Variants in GRIN2A observed in about 807,000 individuals in gnomAD.
GRIN2A encodes the protein glutamate receptor ionotropic, NMDA 2A.
Under a neutral mutation model 113.4 loss-of-function variants are expected in GRIN2A, and 22 were observed. The observed-to-expected ratio is 0.19, with a 90% confidence interval of 0.14 to 0.28. The LOEUF (loss-of-function observed/expected upper bound fraction) is 0.28. Ranked by LOEUF, GRIN2A falls within the 10% of genes least tolerant of loss-of-function variation. The pLI is 1.00. For missense variants in GRIN2A, 1,502 were observed against 1,887.0 expected, an observed-to-expected ratio of 0.80 and a Z score of 3.78; for synonymous variants, 827 against 738.4, an observed-to-expected ratio of 1.12 and a Z score of -1.94.
chr16:10,159,137 C>G (rs1009310128), intron 2 of GRIN2A, among the ~76,000 whole-genome samples: 9 of 152,148 alleles, frequency 5.9e-5, no homozygotes, highest in Admixed American at 3.3e-4. Flanking sequence ...TTCCTCCTCT[C>G]TACAATGAGG....
chr16:9,805,602 C>T (rs2041950420), intron 10 of GRIN2A: 1 of 152,144 alleles, frequency 6.6e-6, no homozygotes, highest in African/African-American at 2.4e-5. Context: ...TGAGTGAAGC[C>T]CGGTCATGGG....
At chr16:10,044,378 T>C (rs747138017) in intron 2 of GRIN2A, among the ~76,000 whole-genome samples, 2 of 151,846 alleles carry the variant, frequency 1.3e-5, no homozygotes, top group Non-Finnish European at 1.5e-5. Context: ...TTTAAAATCA[T>C]GTGTACATGG....
chr16:10,083,703 G>A (rs186643007), intron 2 of GRIN2A, among the ~76,000 whole-genome samples: 3 of 152,194 alleles, frequency 2.0e-5, no homozygotes, highest in South Asian at 4.2e-4. Context: ...GCTTTATAAA[G>A]TCACCTTCTC....
intron 4 of GRIN2A, among the ~76,000 whole-genome samples, chr16:9,859,923 T>C (rs1347066064): frequency 6.6e-6 from 1 of 152,048 alleles, no homozygotes; most frequent in Non-Finnish European, 1.5e-5. Context: ...ATGCCTTCAG[T>C]GCTTTCCACT....
intron 9 of GRIN2A, 58 bp downstream of exon 9, chr16:9,829,365 T>C: frequency 9.2e-7 from 1 of 1,092,856 alleles, no homozygotes; most frequent in Non-Finnish European, 1.4e-6. Context: ...CTCTTCCTCC[T>C]GAAAGGAGAG....
In GRIN2A at chr16:9,960,842, T is replaced by A. The variant is rs568957890; in HGVS notation, c.415-22291A>T. ...GTTTTGCCAATGTCGTCCAGGCTAGTCTCAAACTCCTGGACTAAAGTGATC... is the reference window on the plus strand; with the variant it reads ...GTTTTGCCAATGTCGTCCAGGCTAGACTCAAACTCCTGGACTAAAGTGATC... On this transcript the variant is annotated intron_variant, in intron 2 of 12. Coordinates refer to ENST00000330684, the MANE Select transcript of GRIN2A (RefSeq NM_001134407.3). Among the ~76,000 whole-genome samples, 29 of 152,302 alleles carry A rather than the reference T, an allele frequency of 1.9e-4. No individual in the cohort carries two copies. In the Middle Eastern group the frequency reaches 0.01, roughly 54 times the overall value.
At chr16:10,165,382 T>C (rs551528910) in intron 2 of GRIN2A, among the ~76,000 whole-genome samples, 1 of 151,456 alleles carries the variant, frequency 6.6e-6, no homozygotes, top group African/African-American at 2.4e-5. Flanking sequence ...GTAAAGGTGA[T>C]TTTTATTTTC....
At chr16:9,879,270 G>A (rs1291981093) in intron 4 of GRIN2A, among the ~76,000 whole-genome samples, 6 of 152,052 alleles carry the variant, frequency 3.9e-5, no homozygotes, top group Non-Finnish European at 7.3e-5. Flanking sequence ...TATGGATTTG[G>A]GAGAAGAAAG....
At chr16:10,071,066 G>T (rs988059611) in intron 2 of GRIN2A, among the ~76,000 whole-genome samples, 1 of 152,110 alleles carries the variant, frequency 6.6e-6, no homozygotes, top group Non-Finnish European at 1.5e-5. Context: ...CATCCGATAG[G>T]CAGTATTGAT....
chr16:10,146,162 G>A (rs1187919182), intron 2 of GRIN2A, among the ~76,000 whole-genome samples: 2 of 152,064 alleles, frequency 1.3e-5, no homozygotes, highest in Non-Finnish European at 2.9e-5. Context: ...CTGTCGCCCA[G>A]ACTGGAGTGC....
intron 11 of GRIN2A, among the ~76,000 whole-genome samples, chr16:9,778,066 AAAC>A (rs1372357630): frequency 2.0e-5 from 3 of 152,226 alleles, no homozygotes; most frequent in Admixed American, 2.0e-4. Context: ...ACTGTCTCAA[AAAC>A]AACAACAACA....
chr16:9,804,107 A>C (rs1341156413), intron 10 of GRIN2A, among the ~76,000 whole-genome samples: 1 of 152,204 alleles, frequency 6.6e-6, no homozygotes, highest in East Asian at 1.9e-4. Context: ...GAAGACATGT[A>C]GGTATAGGTG....
At chr16:9,947,242 T>C (rs575662870) in intron 2 of GRIN2A, among the ~76,000 whole-genome samples, 2 of 152,312 alleles carry the variant, frequency 1.3e-5, no homozygotes, top group South Asian at 2.1e-4. Context: ...TCTTTCCTCA[T>C]TGTTTTTTGT....
chr16:10,054,662 G>C (rs970762735), intron 2 of GRIN2A, among the ~76,000 whole-genome samples: 3 of 152,156 alleles, frequency 2.0e-5, no homozygotes, highest in African/African-American at 7.2e-5. Flanking sequence ...CATCCATAGG[G>C]TGGATATTTA....
intron 2 of GRIN2A, among the ~76,000 whole-genome samples, chr16:10,040,504 C>A (rs1293738524): frequency 6.6e-6 from 1 of 151,732 alleles, no homozygotes; most frequent in East Asian, 1.9e-4. Context: ...ACCACACATC[C>A]ACACCACAAA....
At chr16:9,771,168 G>T (rs1430616454) in intron 11 of GRIN2A, among the ~76,000 whole-genome samples, 38 of 149,134 alleles carry the variant, frequency 2.5e-4, no homozygotes, top group Non-Finnish European at 8.9e-5. Flanking sequence ...ATTTCAATTT[G>T]CAATTCCCTA....
At chr16:10,049,096 C>T (rs926224003) in intron 2 of GRIN2A, among the ~76,000 whole-genome samples, 1 of 152,170 alleles carries the variant, frequency 6.6e-6, no homozygotes, top group East Asian at 1.9e-4. Flanking sequence ...ATATGACACA[C>T]TCCATACTGA....
At chr16:9,837,880 A>C (rs1463921448) in intron 7 of GRIN2A, among the ~76,000 whole-genome samples, 1 of 152,204 alleles carries the variant, frequency 6.6e-6, no homozygotes, top group East Asian at 1.9e-4. Flanking sequence ...TACTCCAACA[A>C]AGGTTACAAA....
In GRIN2A at chr16:10,114,552, G is replaced by A. The variant is rs982795193; in HGVS notation, c.414+65446C>T. 3.9e-5 allele frequency among the ~76,000 whole-genome samples: 6 copies of A among 152,164 alleles called. No homozygotes were observed. In the South Asian group the frequency reaches 6.2e-4, roughly 16 times the overall value. On this transcript the variant is annotated intron_variant, in intron 2 of 12. Coordinates refer to ENST00000330684, the MANE Select transcript of GRIN2A (RefSeq NM_001134407.3). ...GTATCTTCTGTGTCCCCAGAAACCCGCAGGCACCGGTCCCAGCGATCCCAG... is the reference window on the plus strand; with the variant it reads ...GTATCTTCTGTGTCCCCAGAAACCCACAGGCACCGGTCCCAGCGATCCCAG...
Sources: gnomAD v4.1 joint callset for allele counts (sites outside exome capture counted in the v4.1 genomes callset) on GRCh38, gnomAD v4.1.1 for gene constraint, MANE v1.5 for transcripts, NCBI Gene and HGNC (gene_info 2026-07-23, HGNC 2026-07-21) for gene names.